The following DDHD2 variants were observed in gnomAD, a reference collection of about 807,000 sequenced individuals.
DDHD2 encodes the protein DDHD domain containing 2, also known as triacylglycerol hydrolase DDHD2.
DDHD2 carries 62 observed loss-of-function variants against 91.2 expected under a neutral mutation model. The ratio of observed to expected loss-of-function variants is 0.68; its 90% CI spans 0.55 to 0.84. DDHD2 has a LOEUF of 0.84. DDHD2 is among the 40% of genes least tolerant of loss of function. The pLI, the probability that DDHD2 is intolerant of heterozygous loss-of-function variation, is 0.00. For missense variants in DDHD2, 740 were observed against 846.9 expected (o/e 0.87, Z 1.57); for synonymous variants, 271 against 293.9 (o/e 0.92, Z 0.80).
At chr8:38,264,605 C>G, downstream of DDHD2, 1 of 1,588,922 alleles carries the variant, frequency 6.3e-7, no homozygotes, top group Non-Finnish European at 8.6e-7. Context: ...ACTAGTACAT[C>G]TGAAGAGAGT....
intron 1 of DDHD2, chr8:38,269,650 G>A: frequency 5.8e-6 from 1 of 171,818 alleles, no homozygotes; most frequent in Admixed American, 6.4e-5. Context: ...ATGGCCTCCT[G>A]CCCAGAGTGT....
chr8:38,267,522 A>G, downstream of DDHD2: 2 of 1,078,644 alleles, frequency 1.9e-6, no homozygotes, highest in Admixed American at 5.5e-5. Context: ...TAACTGGCTT[A>G]GTATAGTCAC....
chr8:38,259,548 G>A (rs1806809574), intron 16 of DDHD2, among the ~76,000 whole-genome samples: 1 of 152,150 alleles, frequency 6.6e-6, no homozygotes, highest in Non-Finnish European at 1.5e-5. Context: ...ACCACACCCT[G>A]CTAATTTTTG....
chr8:38,246,660 G>C (rs1375374805), intron 9 of DDHD2: 1 of 202,228 alleles, frequency 4.9e-6, no homozygotes, highest in African/African-American at 2.4e-5. Flanking sequence ...TGGCCAACAT[G>C]GTGAAACCCC....
At chr8:38,269,326 T>G in intron 1 of DDHD2, 1 of 1,008,864 alleles carries the variant, frequency 9.9e-7, no homozygotes, top group South Asian at 2.1e-5. Flanking sequence ...GAAGACGGCC[T>G]GGCGGCTGTG....
chr8:38,247,981 C>G (rs146722367), intron 10 of DDHD2, 146 bp downstream of exon 10: 2 of 648,042 alleles, frequency 3.1e-6, no homozygotes, highest in Non-Finnish European at 4.8e-6. Flanking sequence ...TGCTTTTTAT[C>G]ATATCAAGTG....
intron 16 of DDHD2, among the ~76,000 whole-genome samples, chr8:38,256,363 C>T (rs1366886855): frequency 6.6e-6 from 1 of 151,814 alleles, no homozygotes; most frequent in African/African-American, 2.4e-5. Flanking sequence ...AGTGCAGTGA[C>T]ACAATCATGG....
At chr8:38,248,529 G>C (rs1805834875) in intron 10 of DDHD2, among the ~76,000 whole-genome samples, 1 of 152,126 alleles carries the variant, frequency 6.6e-6, no homozygotes, top group Non-Finnish European at 1.5e-5. Flanking sequence ...ATAGTTTACT[G>C]GGGAAGACAC....
intron 1 of DDHD2, chr8:38,269,341 G>A (rs948412085): frequency 1.8e-5 from 16 of 884,868 alleles, no homozygotes; most frequent in African/African-American, 3.6e-5. Context: ...GCTGTGCCGA[G>A]GGCATCGTCT....
downstream of DDHD2, chr8:38,266,930 A>G: frequency 1.5e-6 from 1 of 650,976 alleles, no homozygotes; most frequent in East Asian, 5.1e-5. Flanking sequence ...ATTGTGAGCT[A>G]TAATTAGGTA....
intron 2 of DDHD2, 41 bp downstream of exon 2, chr8:38,233,255 C>T (rs755589382): frequency 6.7e-7 from 1 of 1,483,486 alleles, no homozygotes; most frequent in African/African-American, 1.4e-5. Flanking sequence ...AAGACTCTCC[C>T]CTCTTCAAAC....
intron 5 of DDHD2, among the ~76,000 whole-genome samples, chr8:38,239,563 T>C (rs1308215079): frequency 6.7e-6 from 1 of 148,878 alleles, no homozygotes; most frequent in South Asian, 2.1e-4. Flanking sequence ...GGCGTGTGCG[T>C]GTAGTCCCAA....
At chr8:38,232,935 G>T (rs1266228792) in intron 1 of DDHD2, 52 bp from the exon 2 acceptor site, 5 of 1,331,196 alleles carry the variant, frequency 3.8e-6, no homozygotes, top group South Asian at 1.3e-5. Flanking sequence ...GTGTGTGTGC[G>T]AACAGTTACA....
downstream of DDHD2, chr8:38,264,107 G>A (rs1179719023): frequency 6.0e-6 from 6 of 1,001,638 alleles, no homozygotes; most frequent in African/African-American, 1.7e-5. Flanking sequence ...TGCATGGTCC[G>A]GTTAGGAGGG....
intron 16 of DDHD2, 151 bp from the exon 17 acceptor site, chr8:38,259,889 C>T (rs538861944): frequency 1.2e-5 from 7 of 596,296 alleles, no homozygotes; most frequent in Non-Finnish European, 2.1e-5. Context: ...TTCCAAACCA[C>T]TGCCAATTAC....
At chr8:38,266,072 T>G, downstream of DDHD2, 1 of 1,449,460 alleles carries the variant, frequency 6.9e-7, no homozygotes. Context: ...AAGCATCTCC[T>G]CTGTGCTAGG....
At chr8:38,236,836 T>C (rs1008812962) in intron 3 of DDHD2, among the ~76,000 whole-genome samples, 2 of 152,004 alleles carry the variant, frequency 1.3e-5, no homozygotes, top group African/African-American at 4.8e-5. Context: ...GGCTAATTTT[T>C]GTATTTTTAG....
downstream of DDHD2, chr8:38,267,383 G>C (rs1208874048): frequency 6.2e-7 from 1 of 1,613,270 alleles, no homozygotes; most frequent in East Asian, 2.2e-5. Context: ...GAAGAAATCT[G>C]GGCGTGGCCT....
In DDHD2 at chr8:38,249,840, C is replaced by A. The variant is rs372765497; in HGVS notation, c.1344+37C>A. 10 of 1,376,266 alleles carry A rather than the reference C, an allele frequency of 7.3e-6. No homozygotes were observed. The African/African-American group carries it at 1.4e-4, about 20-fold the overall frequency. The allele number at this position is 1,376,266 out of a possible 1,614,324, so 85.3% of individuals were successfully genotyped here. Reference sequence around the variant, plus strand: ...ATACAGCTTGTTGGACTAAACAATTCTTTGATGTCCATAGTGTGTCCTTGT... The same window carrying A: ...ATACAGCTTGTTGGACTAAACAATTATTTGATGTCCATAGTGTGTCCTTGT... On this transcript the variant is annotated intron_variant, in intron 11 of 17. Coordinates refer to ENST00000397166, the MANE Select transcript of DDHD2 (RefSeq NM_015214.3).
Sources: allele counts gnomAD v4.1 joint callset (sites outside exome capture counted in the v4.1 genomes callset), GRCh38; gene constraint gnomAD v4.1.1; transcripts MANE v1.5; gene names NCBI Gene and HGNC (gene_info 2026-07-23, HGNC 2026-07-21).